MSH3: variants seen among roughly 807,000 people sequenced by gnomAD.
The protein encoded by MSH3 is mutS homolog 3.
MSH3 carries 106 observed loss-of-function variants against 123.3 expected under a neutral mutation model. The ratio of observed to expected loss-of-function variants is 0.86; its 90% CI spans 0.73 to 1.01. The LOEUF is 1.01. MSH3 is among the 50% of genes least tolerant of loss of function. The pLI, the probability that MSH3 is intolerant of heterozygous loss-of-function variation, is 0.00. For synonymous variants in MSH3, 515 were observed against 481.4 expected (o/e 1.07, Z -0.91); for missense variants, 1,459 against 1,347.6 (o/e 1.08, Z -1.29).
intron 17 of MSH3, among the ~76,000 whole-genome samples, chr5:80,779,377 C>T (rs183804889): frequency 2.4e-4 from 37 of 152,140 alleles, no homozygotes; most frequent in Admixed American, 1.0e-3. Context: ...TAGCATTTGC[C>T]ACATTTGCTT....
intron 18 of MSH3, among the ~76,000 whole-genome samples, chr5:80,792,329 G>A (rs1744621388): frequency 6.6e-6 from 1 of 151,784 alleles, no homozygotes; most frequent in African/African-American, 2.4e-5. Context: ...GAGCCTAGGA[G>A]CTTGAGGCTG....
intron 8 of MSH3, among the ~76,000 whole-genome samples, chr5:80,696,303 G>A (rs894866920): frequency 6.6e-6 from 1 of 152,198 alleles, no homozygotes; most frequent in Admixed American, 6.5e-5. Flanking sequence ...AATCCCAACT[G>A]GAGTTTGGAG....
chr5:80,785,130 G>A (rs988852466), intron 17 of MSH3, among the ~76,000 whole-genome samples: 61 of 152,182 alleles, frequency 4.0e-4, no homozygotes, highest in African/African-American at 1.4e-3. Context: ...TTGGATTTCA[G>A]TAGTAAACAG....
intron 19 of MSH3, among the ~76,000 whole-genome samples, chr5:80,805,148 A>G (rs959939646): frequency 1.1e-4 from 16 of 152,240 alleles, no homozygotes; most frequent in South Asian, 4.1e-4. Context: ...TCATGTTTCA[A>G]TAGATGCCAA....
chr5:80,736,578 G>C (rs1743512812), intron 10 of MSH3, among the ~76,000 whole-genome samples: 1 of 152,192 alleles, frequency 6.6e-6, no homozygotes. Flanking sequence ...TTTCGGGAGA[G>C]TTTTCACCAT....
In MSH3 at chr5:80,728,936, C is replaced by G. The variant is rs1167408342; in HGVS notation, c.1539C>G (p.Phe513Leu). ...CCATCATAAAATACCTCAAAGAATTCAACTTGGAAAAGATGCTCTCCAAAC... is the reference window on the plus strand; with the variant it reads ...CCATCATAAAATACCTCAAAGAATTGAACTTGGAAAAGATGCTCTCCAAAC... ...LAAIIKYLKE[F>L]NLEKMLSKPE... The change falls in exon 10 of 24, where the codon TTC (phenylalanine) becomes TTG (leucine). Residue 513 changes from phenylalanine to leucine, a missense_variant. By Grantham distance (22) the Phe-to-Leu change is conservative. Transcript: ENST00000265081. 1 of 1,609,518 alleles carries G rather than the reference C, an allele frequency of 6.2e-7. No individual in the cohort carries two copies. Among genetic ancestry groups the G allele is most frequent in the Non-Finnish European group, 8.5e-7 (1 of 1,176,152 alleles).
intron 12 of MSH3, among the ~76,000 whole-genome samples, chr5:80,752,580 A>G (rs777788296): frequency 3.1e-4 from 47 of 152,120 alleles, no homozygotes; most frequent in Non-Finnish European, 5.3e-4. Flanking sequence ...GAATTTGTAT[A>G]TACCTCAGTT....
chr5:80,844,916 G>A (rs1745693939), intron 20 of MSH3, among the ~76,000 whole-genome samples: 1 of 152,082 alleles, frequency 6.6e-6, no homozygotes, highest in Non-Finnish European at 1.5e-5. Context: ...GGTTAATATT[G>A]TTATGTGTGA....
intron 6 of MSH3, among the ~76,000 whole-genome samples, chr5:80,674,604 C>A (rs1650647): frequency 0.73 from 110,880 of 152,082 alleles, 40,571 homozygotes; most frequent in African/African-American, 0.82. Context: ...TGTCTTTATG[C>A]TCTTTATATC....
intron 15 of MSH3, 32 bp downstream of exon 15, chr5:80,769,035 GTTTT>G: frequency 6.4e-7 from 1 of 1,573,912 alleles, no homozygotes; most frequent in Non-Finnish European, 8.7e-7. Context: ...TTTTCTATTA[GTTTT>G]ACTCTAGTAG....
intron 12 of MSH3, among the ~76,000 whole-genome samples, chr5:80,756,526 A>G (rs941008963): frequency 1.2e-4 from 19 of 152,100 alleles, no homozygotes; most frequent in Admixed American, 1.0e-3. Context: ...TTTATAGACA[A>G]TAGCTAATCT....
At chr5:80,776,099 A>G (rs567011750) in intron 16 of MSH3, among the ~76,000 whole-genome samples, 73 of 152,238 alleles carry the variant, frequency 4.8e-4, no homozygotes, top group African/African-American at 1.7e-3. Context: ...CCTGTTGGCC[A>G]GGCTGGTCTC....
intron 8 of MSH3, among the ~76,000 whole-genome samples, chr5:80,708,981 G>T (rs1408930372): frequency 1.3e-5 from 2 of 151,842 alleles, no homozygotes; most frequent in Non-Finnish European, 2.9e-5. Flanking sequence ...CACCATGTTG[G>T]CCAGGCTGGT....
rs905433182 is a variant in MSH3 at position 80,744,400 on chromosome 5, C to T, written c.1654-106C>T. On this transcript the variant is annotated intron_variant, in intron 11 of 23. Transcript: ENST00000265081. ...CATTAAATGAACACCTGTTATGAGC[C>T]ACATTGTGCTAGGTATATATGACAT... The T allele has an allele frequency of 2.9e-4, 224 of 769,748 alleles. 1 individual carries two copies. The highest frequency in any genetic ancestry group is 2.8e-4 in the Non-Finnish European group (126 of 443,318). 47.7% of individuals were successfully genotyped at this position (769,748 alleles called of 1,614,324 possible). A position where few individuals can be genotyped will look rare whatever the true frequency, so the allele number is the denominator to read the frequency against.
intron 8 of MSH3, among the ~76,000 whole-genome samples, chr5:80,700,478 G>T (rs565464676): frequency 6.6e-6 from 1 of 152,056 alleles, no homozygotes; most frequent in Non-Finnish European, 1.5e-5. Flanking sequence ...AGTGTTATTA[G>T]TATTAAAAAA....
intron 10 of MSH3, among the ~76,000 whole-genome samples, chr5:80,729,460 G>GTGTGTGTGTGTATA (rs1277559108): frequency 3.4e-3 from 321 of 94,998 alleles, no homozygotes; most frequent in East Asian, 0.03. Flanking sequence ...GTGTGTGTGT[G>GTGTGTGTGTGTATA]TATATATATA....
intron 18 of MSH3, among the ~76,000 whole-genome samples, chr5:80,790,516 A>C (rs1744589434): frequency 6.6e-6 from 1 of 152,066 alleles, no homozygotes; most frequent in Admixed American, 6.5e-5. Flanking sequence ...CTTCATCCTG[A>C]GTATTGTTTT....
intron 17 of MSH3, among the ~76,000 whole-genome samples, chr5:80,786,660 A>T (rs559565581): frequency 3.3e-5 from 5 of 152,302 alleles, no homozygotes; most frequent in African/African-American, 9.6e-5. Context: ...TTAAAAATTA[A>T]GTTTTGGGTC....
chr5:80,671,911 T>C (rs1238526532), intron 4 of MSH3, among the ~76,000 whole-genome samples: 1 of 152,246 alleles, frequency 6.6e-6, no homozygotes, highest in Non-Finnish European at 1.5e-5. Context: ...TAGCAAATTC[T>C]TACTCTTTTA....
Sources: allele counts gnomAD v4.1 joint callset (sites outside exome capture counted in the v4.1 genomes callset), GRCh38; gene constraint gnomAD v4.1.1; transcripts MANE v1.5; gene names NCBI Gene and HGNC (gene_info 2026-07-23, HGNC 2026-07-21).